The following MTUS2 variants were observed in gnomAD, a reference collection of about 807,000 sequenced individuals.
MTUS2 encodes the protein microtubule-associated tumor suppressor candidate 2.
In MTUS2, 40 loss-of-function variants were observed where a neutral mutation model predicts 114.1. The observed-to-expected ratio is 0.35, with a 90% CI of 0.27 to 0.46. The LOEUF is 0.46. Among genes scored for constraint, MTUS2 ranks in the 20% least tolerant of loss-of-function variants. The probability of loss-of-function intolerance (pLI) is 1.00; values close to 1 mark genes in which losing one functional copy is unlikely to be tolerated. For missense variants in MTUS2, 1,679 were observed against 1,705.4 expected (o/e 0.98, Z 0.27); for synonymous variants, 688 against 672.0 (o/e 1.02, Z -0.37).
At chr13:28,933,118 AACACACACACACACACACACACAC>A (rs59162969) in intron 2 of MTUS2, among the ~76,000 whole-genome samples, 2 of 145,218 alleles carry the variant, frequency 1.4e-5, no homozygotes, top group African/African-American at 2.6e-5. Context: ...GGAGAATCAG[AACACACACACACACACACACACAC>A]ACACACACAC....
At chr13:29,070,704 C>G (rs1888879744) in intron 4 of MTUS2, among the ~76,000 whole-genome samples, 1 of 151,968 alleles carries the variant, frequency 6.6e-6, no homozygotes, top group South Asian at 2.1e-4. Context: ...CTGTTTGAAA[C>G]TTGTCTCTCC....
chr13:29,166,387 C>A (rs1211704776), intron 5 of MTUS2, among the ~76,000 whole-genome samples: 1 of 152,174 alleles, frequency 6.6e-6, no homozygotes, highest in Non-Finnish European at 1.5e-5. Flanking sequence ...CCTTCTTGAA[C>A]AGGCCAGCTC....
intron 2 of MTUS2, among the ~76,000 whole-genome samples, chr13:28,931,137 C>T (rs1023919885): frequency 6.6e-6 from 1 of 152,226 alleles, no homozygotes; most frequent in Non-Finnish European, 1.5e-5. Context: ...GAGCACACTT[C>T]CTTGACTTTG....
chr13:29,465,985 G>C (rs1029827166), intron 9 of MTUS2, among the ~76,000 whole-genome samples: 2 of 152,228 alleles, frequency 1.3e-5, no homozygotes, highest in East Asian at 3.9e-4. Flanking sequence ...GGAGGAGACA[G>C]TTACCAATGA....
At chr13:28,994,671 A>C (rs891296132) in intron 2 of MTUS2, among the ~76,000 whole-genome samples, 2 of 152,112 alleles carry the variant, frequency 1.3e-5, no homozygotes, top group South Asian at 4.2e-4. Flanking sequence ...ACGTTTTTTC[A>C]TGTGTTTTTT....
chr13:28,970,223 A>G (rs574354856), intron 2 of MTUS2, among the ~76,000 whole-genome samples: 27 of 115,176 alleles, frequency 2.3e-4, no homozygotes, highest in African/African-American at 5.6e-4. Flanking sequence ...CTATTTGTCA[A>G]TGTTTAGTAT....
chr13:29,159,164 A>T (rs9506119), intron 5 of MTUS2, among the ~76,000 whole-genome samples: 59,348 of 151,838 alleles, frequency 0.39, 13,611 homozygotes, highest in Non-Finnish European at 0.47. Context: ...TACATGTGTT[A>T]TGTGTATGTA....
intron 2 of MTUS2, among the ~76,000 whole-genome samples, chr13:28,986,025 C>T (rs928926007): frequency 1.3e-5 from 2 of 152,106 alleles, no homozygotes; most frequent in African/African-American, 4.8e-5. Context: ...ATGAATGGAC[C>T]TCTCTTGACC....
chr13:29,186,728 CGAG>C (rs1894240362), intron 5 of MTUS2, among the ~76,000 whole-genome samples: 1 of 152,066 alleles, frequency 6.6e-6, no homozygotes, highest in African/African-American at 2.4e-5. Context: ...TGAAGGCAAA[CGAG>C]GAGGTGGAAA....
At chr13:29,459,112 G>T (rs1191423248) in intron 9 of MTUS2, among the ~76,000 whole-genome samples, 1 of 152,242 alleles carries the variant, frequency 6.6e-6, no homozygotes, top group Admixed American at 6.5e-5. Context: ...GACCCAAGCG[G>T]AGTCACTTGC....
chr13:29,241,339 A>G (rs1485608196), intron 5 of MTUS2, among the ~76,000 whole-genome samples: 1 of 152,176 alleles, frequency 6.6e-6, no homozygotes, highest in Non-Finnish European at 1.5e-5. Flanking sequence ...TCCATACACA[A>G]ACATCTTAGT....
intron 5 of MTUS2, among the ~76,000 whole-genome samples, chr13:29,140,590 G>A (rs1223755265): frequency 6.6e-6 from 1 of 152,170 alleles, no homozygotes; most frequent in Non-Finnish European, 1.5e-5. Context: ...TCTAAGTGAT[G>A]GTATGAGGGC....
At chr13:29,192,711 G>C (rs892657202) in intron 5 of MTUS2, among the ~76,000 whole-genome samples, 1 of 151,818 alleles carries the variant, frequency 6.6e-6, no homozygotes, top group Non-Finnish European at 1.5e-5. Context: ...CTTATGATTC[G>C]CCTAAAAAAA....
At chr13:29,288,355 A>G (rs1287690151) in intron 6 of MTUS2, among the ~76,000 whole-genome samples, 2 of 152,188 alleles carry the variant, frequency 1.3e-5, no homozygotes, top group Non-Finnish European at 2.9e-5. Flanking sequence ...CTGGAGAAAG[A>G]AGAGCTTTCA....
chr13:29,164,236 A>G (rs1893221552), intron 5 of MTUS2, among the ~76,000 whole-genome samples: 1 of 152,232 alleles, frequency 6.6e-6, no homozygotes, highest in African/African-American at 2.4e-5. Flanking sequence ...TGCCCGCAAC[A>G]GGCTGGAGGG....
At chr13:29,386,628 G>T (rs1872649022) in intron 8 of MTUS2, among the ~76,000 whole-genome samples, 1 of 152,152 alleles carries the variant, frequency 6.6e-6, no homozygotes, top group Non-Finnish European at 1.5e-5. Context: ...CAAGGAGAGA[G>T]ACTTTGTCAC....
intron 2 of MTUS2, among the ~76,000 whole-genome samples, chr13:28,947,284 TAGTA>T (rs1882582054): frequency 6.7e-6 from 1 of 149,188 alleles, no homozygotes; most frequent in Non-Finnish European, 1.5e-5. Flanking sequence ...GTCTGGTGCT[TAGTA>T]GGTGCTTTGT....
chr13:29,240,782 ATT>A (rs1193444161), intron 5 of MTUS2, among the ~76,000 whole-genome samples: 50 of 152,162 alleles, frequency 3.3e-4, no homozygotes, highest in African/African-American at 1.1e-3. Context: ...TTATGATTTT[ATT>A]TATGAAGAGT....
chr13:29,194,577 T>C (rs1428457338), intron 5 of MTUS2, among the ~76,000 whole-genome samples: 1 of 151,834 alleles, frequency 6.6e-6, no homozygotes, highest in Non-Finnish European at 1.5e-5. Flanking sequence ...ATGGCAATCA[T>C]TAAAAAGTCA....
Sources: allele counts gnomAD v4.1 joint callset (sites outside exome capture counted in the v4.1 genomes callset), GRCh38; gene constraint gnomAD v4.1.1; transcripts MANE v1.5; gene names NCBI Gene and HGNC (gene_info 2026-07-23, HGNC 2026-07-21).